Variants in PHF8 observed in about 807,000 individuals in gnomAD.
PHF8 encodes the protein PHD finger protein 8.
A neutral mutation model predicts 74.4 loss-of-function variants in PHF8; 9 were observed. The ratio of observed to expected loss-of-function variants is 0.12; its 90% confidence interval spans 0.07 to 0.21. The LOEUF is 0.21. PHF8 is among the 10% of genes least tolerant of loss of function. The pLI is 1.00. For synonymous variants in PHF8, 311 were observed against 316.6 expected (o/e 0.98, Z 0.19); for missense variants, 478 against 816.6 (o/e 0.59, Z 5.05).
In PHF8 at chrX:54,000,096, G is replaced by GTGT. The variant is rs1417258202; in HGVS notation, c.1142-138_1142-136dup. Reference sequence around the variant, plus strand: ...ACTGCAGATCTCAGTTCTTCTGATAGTGTTCATTCACTGAGTACCTACTAA... The same window carrying GTGT: ...ACTGCAGATCTCAGTTCTTCTGATAGTGTTGTTCATTCACTGAGTACCTACTAA... On this transcript the variant is annotated intron_variant, in intron 10 of 21. Coordinates refer to ENST00000338154, the MANE Select transcript of PHF8 (RefSeq NM_015107.3). 1.2e-5 allele frequency: 6 copies of GTGT among 511,092 alleles called. No individual in the cohort carries two copies. The Admixed American group carries it at 1.4e-4, about 12-fold the overall frequency. 42.1% of individuals were successfully genotyped at this position (511,092 alleles called of 1,213,427 possible).
At position 53,939,084 on chromosome X, in the gene PHF8, C is replaced by T; in HGVS notation, c.*74G>A. On this transcript the variant is annotated 3_prime_UTR_variant, in exon 22 of 22. Coordinates refer to ENST00000338154, the MANE Select transcript of PHF8 (RefSeq NM_015107.3). The stretch of plus-strand genomic sequence containing the variant: ...GCACCTTGTCCAGGGCAGATAGGAT[C>T]CAGGAGTGCCCCAAGAGTTGACAAT... The T allele has an allele frequency of 1.7e-6, 2 of 1,190,276 alleles. No homozygotes were observed. Among genetic ancestry groups the T allele is most frequent in the East Asian group, 3.0e-5 (1 of 33,540 alleles).
chrX:53,956,317 G>A lies in PHF8; in HGVS notation c.2539+6527C>T, dbSNP rs140071254. Among the ~76,000 whole-genome samples, 1,046 of 111,506 alleles carry A rather than the reference G, an allele frequency of 9.4e-3. 6 individuals carry two copies. Among genetic ancestry groups the A allele is most frequent in the Middle Eastern group, 0.037 (8 of 216 alleles). On this transcript the variant is annotated intron_variant, in intron 19 of 21. Transcript: ENST00000338154. ...GTGAATAAGTGAAATACCAGCACAA[G>A]AGCAGACAGAACTTTGATGGTACAA...
At chrX:54,006,969 G>A (rs894167391) in intron 8 of PHF8, among the ~76,000 whole-genome samples, 1 of 109,787 alleles carries the variant, frequency 9.1e-6, no homozygotes, top group African/African-American at 3.3e-5. Context: ...AATTCAAGGG[G>A]CCAAATAATC....
intron 2 of PHF8, among the ~76,000 whole-genome samples, chrX:54,030,386 G>A (rs1557112297): frequency 1.8e-5 from 2 of 111,439 alleles, no homozygotes; most frequent in Non-Finnish European, 3.8e-5. Context: ...TAGTCAAGAG[G>A]ATAATTATTA....
At chrX:53,991,127 ATG>A (rs2065653240) in intron 14 of PHF8, among the ~76,000 whole-genome samples, 1 of 112,197 alleles carries the variant, frequency 8.9e-6, no homozygotes, top group Non-Finnish European at 1.9e-5. Flanking sequence ...AACACTGAAT[ATG>A]TGTCACAGCT....
chrX:53,959,222 G>T (rs1557089896), intron 19 of PHF8, among the ~76,000 whole-genome samples: 1 of 111,490 alleles, frequency 9.0e-6, no homozygotes, highest in Admixed American at 9.6e-5. Context: ...AAACTTGACA[G>T]CATAAACAAA....
chrX:53,987,696 C>T, intron 15 of PHF8, 70 bp downstream of exon 15: 1 of 984,788 alleles, frequency 1.0e-6, no homozygotes, highest in Non-Finnish European at 1.4e-6. Context: ...GCAACAAGAG[C>T]AAAACTCCGT....
At chrX:53,962,497 C>G (rs183262603) in intron 19 of PHF8, among the ~76,000 whole-genome samples, 6 of 111,439 alleles carry the variant, frequency 5.4e-5, no homozygotes, top group Non-Finnish European at 1.1e-4. Context: ...GACAACAAAA[C>G]TACCAGAGTA....
intron 18 of PHF8, among the ~76,000 whole-genome samples, chrX:53,978,460 A>G (rs1457242356): frequency 7.1e-5 from 8 of 112,011 alleles, no homozygotes; most frequent in African/African-American, 2.6e-4. Context: ...TCAGCAATAA[A>G]AAAGAACAAG....
intron 18 of PHF8, among the ~76,000 whole-genome samples, chrX:53,981,706 T>C (rs368529352): frequency 2.1e-4 from 24 of 111,988 alleles, no homozygotes; most frequent in Admixed American, 7.6e-4. Context: ...ACAAATGCCA[T>C]TGGGCTCTAA....
At chrX:54,018,867 G>A (rs905733482) in intron 4 of PHF8, among the ~76,000 whole-genome samples, 2 of 110,671 alleles carry the variant, frequency 1.8e-5, no homozygotes, top group African/African-American at 6.6e-5. Flanking sequence ...TGATCTGCCC[G>A]CCTCAGCCTC....
intron 7 of PHF8, 98 bp from the exon 8 acceptor site, chrX:54,011,382 C>T (rs1344079376): frequency 7.2e-6 from 5 of 694,040 alleles, no homozygotes; most frequent in Non-Finnish European, 1.1e-5. Flanking sequence ...TGCTCCAAAA[C>T]GATGGCAATA....
chrX:53,991,092 T>C (rs1413559170), intron 14 of PHF8, among the ~76,000 whole-genome samples: 1 of 112,037 alleles, frequency 8.9e-6, no homozygotes, highest in South Asian at 3.7e-4. Flanking sequence ...GAAGCTCAGA[T>C]AGGTTCATTA....
intron 8 of PHF8, among the ~76,000 whole-genome samples, chrX:54,009,191 A>C (rs2065941781): frequency 8.9e-6 from 1 of 112,124 alleles, no homozygotes; most frequent in South Asian, 3.7e-4. Context: ...AAGGAGATAA[A>C]TAACATAATG....
intron 17 of PHF8, 96 bp downstream of exon 17, chrX:53,985,720 T>C: frequency 1.7e-6 from 2 of 1,184,065 alleles, no homozygotes; most frequent in Admixed American, 4.7e-5. Context: ...TAAATAGCTC[T>C]ATAAATATCT....
intron 2 of PHF8, among the ~76,000 whole-genome samples, chrX:54,037,364 C>T (rs782701786): frequency 9.0e-6 from 1 of 111,623 alleles, no homozygotes; most frequent in South Asian, 3.8e-4. Flanking sequence ...CCTCCCACCT[C>T]AGCCTCCCGG....
chrX:53,964,885 A>G (rs1271297362), intron 18 of PHF8, among the ~76,000 whole-genome samples: 4 of 108,877 alleles, frequency 3.7e-5, no homozygotes, highest in Non-Finnish European at 7.6e-5. Context: ...AAAAAAAAAA[A>G]AAAGAAAAGA....
rs2064774680 is a variant in PHF8, at chrX:53,942,930, T to C, written c.2649+1204A>G. On this transcript the variant is annotated intron_variant, in intron 20 of 21. Coordinates refer to ENST00000338154, the MANE Select transcript of PHF8 (RefSeq NM_015107.3). The stretch of plus-strand genomic sequence containing the variant: ...GTCAGGGAGATGACTAGAGACCAAA[T>C]CAAGAGGACTTTAAGAGGGCTTTGT... The C allele has an allele frequency of 6.6e-6, 5 of 752,746 alleles. No individual in the cohort carries two copies. In the South Asian group the frequency reaches 3.4e-4, roughly 51 times the overall value. 62.0% of individuals were successfully genotyped at this position (752,746 alleles called of 1,213,427 possible).
intron 18 of PHF8, among the ~76,000 whole-genome samples, chrX:53,971,332 A>T (rs935097457): frequency 3.6e-5 from 4 of 111,415 alleles, no homozygotes; most frequent in Non-Finnish European, 7.5e-5. Flanking sequence ...GATGCAGCTA[A>T]ACCAGTGTTA....
Sources: gnomAD v4.1 joint callset for allele counts (sites outside exome capture counted in the v4.1 genomes callset) on GRCh38, gnomAD v4.1.1 for gene constraint, MANE v1.5 for transcripts, NCBI Gene and HGNC (gene_info 2026-07-23, HGNC 2026-07-21) for gene names.